The following RUNX1 variants were observed in gnomAD, a reference collection of about 807,000 sequenced individuals.
RUNX1 encodes the protein RUNX family transcription factor 1.
A neutral mutation model predicts 42.8 loss-of-function variants in RUNX1; 19 were observed. The ratio of observed to expected loss-of-function variants is 0.44; its 90% confidence interval spans 0.31 to 0.65. The LOEUF (loss-of-function observed/expected upper bound fraction) is 0.65, where lower values mean the gene tolerates loss of function less well. RUNX1 is among the 30% of genes least tolerant of loss of function. The pLI is 0.07. For missense variants in RUNX1, 528 were observed against 672.0 expected (o/e 0.79, Z 2.37); for synonymous variants, 271 against 289.4 (o/e 0.94, Z 0.64).
chr21:34,966,862 C>T (rs956583189), intron 2 of RUNX1, among the ~76,000 whole-genome samples: 1 of 152,054 alleles, frequency 6.6e-6, no homozygotes, highest in African/African-American at 2.4e-5. Context: ...AACGAGAGAA[C>T]TGCAGTGGCT....
At chr21:34,993,049 C>G (rs919440127) in intron 2 of RUNX1, among the ~76,000 whole-genome samples, 10 of 152,246 alleles carry the variant, frequency 6.6e-5, no homozygotes, top group African/African-American at 2.4e-4. Context: ...CCAGGAAGGG[C>G]ATCTGGGGCC....
intron 3 of RUNX1, chr21:34,888,236 C>T: frequency 2.8e-6 from 3 of 1,067,056 alleles, no homozygotes; most frequent in Non-Finnish European, 3.4e-6. Flanking sequence ...CCCACGAGCG[C>T]CGCGTAACCG....
chr21:34,887,514 A>G (rs901363179), intron 3 of RUNX1: 4 of 1,163,742 alleles, frequency 3.4e-6, no homozygotes, highest in Non-Finnish European at 4.3e-6. Flanking sequence ...CAGCAAACAC[A>G]TTATTTGGAA....
chr21:34,879,868 A>C (rs1217208034), intron 5 of RUNX1, among the ~76,000 whole-genome samples: 1 of 152,230 alleles, frequency 6.6e-6, no homozygotes, highest in Non-Finnish European at 1.5e-5. Context: ...AGGCAAGGAA[A>C]AATAAAATCA....
intron 2 of RUNX1, among the ~76,000 whole-genome samples, chr21:34,991,544 CGATGATGATGATGATGAT>C (rs10578831): frequency 6.6e-6 from 1 of 150,990 alleles, no homozygotes; most frequent in Non-Finnish European, 1.5e-5. Context: ...GCAGGGATTA[CGATGATGATGATGATGAT>C]GATGATGATG....
intron 4 of RUNX1, among the ~76,000 whole-genome samples, chr21:34,883,346 G>A (rs889621542): frequency 5.3e-5 from 8 of 152,186 alleles, no homozygotes; most frequent in Admixed American, 5.2e-4. Flanking sequence ...GTGGAGGCGG[G>A]TGGGTAAAGG....
At chr21:34,966,118 A>AC (rs2058716590) in intron 2 of RUNX1, among the ~76,000 whole-genome samples, 1 of 152,144 alleles carries the variant, frequency 6.6e-6, no homozygotes, top group Non-Finnish European at 1.5e-5. Context: ...ACACTTCTAT[A>AC]CATTAGATAG....
chr21:34,969,719 C>G (rs545893904), intron 2 of RUNX1, among the ~76,000 whole-genome samples: 1 of 150,728 alleles, frequency 6.6e-6, no homozygotes, highest in African/African-American at 2.5e-5. Flanking sequence ...TAAATGACTG[C>G]ACTCGTGGGT....
At chr21:35,010,338 CCTT>C (rs2059116735) in intron 2 of RUNX1, among the ~76,000 whole-genome samples, 1 of 152,062 alleles carries the variant, frequency 6.6e-6, no homozygotes, top group African/African-American at 2.4e-5. Flanking sequence ...CAATTACACT[CCTT>C]TTTTTAAAAA....
chr21:35,039,082 A>G (rs2059338897), intron 2 of RUNX1, among the ~76,000 whole-genome samples: 1 of 152,208 alleles, frequency 6.6e-6, no homozygotes, highest in Non-Finnish European at 1.5e-5. Flanking sequence ...GACGTTCTTA[A>G]GGACTCAGGG....
intron 2 of RUNX1, among the ~76,000 whole-genome samples, chr21:34,939,076 C>T (rs1229764283): frequency 6.6e-6 from 1 of 152,178 alleles, no homozygotes; most frequent in African/African-American, 2.4e-5. Context: ...AGTTCATGAA[C>T]ATACTCTGCC....
At chr21:34,846,283 G>A (rs759366669) in intron 6 of RUNX1, among the ~76,000 whole-genome samples, 8 of 147,374 alleles carry the variant, frequency 5.4e-5, no homozygotes, top group African/African-American at 7.5e-5. Flanking sequence ...TGTCACTCTG[G>A]CGTGGACCTT....
In RUNX1 at chr21:34,845,085, A is replaced by G. The variant is rs552083137; in HGVS notation, c.614-10484T>C. Among the ~76,000 whole-genome samples the G allele has an allele frequency of 9.8e-5, 15 of 152,348 alleles. No individual in the cohort carries two copies. In the South Asian group the frequency reaches 2.9e-3, roughly 29 times the overall value. On this transcript the variant is annotated intron_variant, in intron 6 of 8. Transcript: ENST00000675419. ...TGCCAGAAGCAGCCACCTGCTGAGA[A>G]GGGCATCTGTGAGGAGGGAGACCTC...
At chr21:34,893,785 A>T (rs1017124102) in intron 2 of RUNX1, among the ~76,000 whole-genome samples, 210 of 149,914 alleles carry the variant, frequency 1.4e-3, no homozygotes, top group Non-Finnish European at 2.5e-3. Flanking sequence ...TTTTTTTTTA[A>T]AAAAAAACCT....
Position 34,943,488 on chromosome 21 carries a change from C to T in RUNX1, c.59-50525G>A, listed in dbSNP as rs1330580887. On this transcript the variant is annotated intron_variant, in intron 2 of 8. Transcript: ENST00000675419. ...AATTGCCAGTTTTCCAGTTGTTACA[C>T]CAAAGAAAGATAAGGGGATCAACGG... Among the ~76,000 whole-genome samples the T allele has an allele frequency of 2.0e-5, 3 of 152,132 alleles. No individual in the cohort carries two copies. The East Asian group carries it at 5.8e-4, about 29-fold the overall frequency.
chr21:34,914,790 T>C (rs1056000856), intron 2 of RUNX1, among the ~76,000 whole-genome samples: 1 of 152,326 alleles, frequency 6.6e-6, no homozygotes, highest in African/African-American at 2.4e-5. Context: ...ATTCTGCAAC[T>C]TGGCCTTGAG....
In RUNX1 at chr21:34,791,055, C is replaced by G. The variant is rs2056427637; in HGVS notation, c.*1080G>C. 4.3e-6 allele frequency: 1 copy of G among 233,514 alleles called. No homozygotes were observed. The highest frequency in any genetic ancestry group is 2.2e-5 in the African/African-American group (1 of 45,324). 14.5% of individuals were successfully genotyped at this position (233,514 alleles called of 1,614,324 possible). On this transcript the variant is annotated 3_prime_UTR_variant, in exon 9 of 9. Coordinates refer to ENST00000675419, the MANE Select transcript of RUNX1 (RefSeq NM_001754.5). ...AGTTAGATATGAGACCCTTGTTGAGCCTGGCAGAAAATTCCATACTTCTGA... is the reference window on the plus strand; with the variant it reads ...AGTTAGATATGAGACCCTTGTTGAGGCTGGCAGAAAATTCCATACTTCTGA...
Position 34,792,812 on chromosome 21 carries a change from A to AG in RUNX1, c.968-203dup, listed in dbSNP as rs1258660666. On this transcript the variant is annotated intron_variant, in intron 8 of 8. Transcript: ENST00000675419. This position sits in a 1 kb window ranked among gnomAD's most constrained non-coding sequence, Gnocchi z 6.9. ...GAGGATTACCCAGGATGCTATACCCAGGGGGACAGGGACCACCCAGGATGC... is the reference window on the plus strand; with the variant it reads ...GAGGATTACCCAGGATGCTATACCCAGGGGGGACAGGGACCACCCAGGATGC... 6.6e-6 allele frequency among the ~76,000 whole-genome samples: 1 copy of AG among 150,484 alleles called. No individual in the cohort carries two copies. Among genetic ancestry groups the AG allele is most frequent in the East Asian group, 2.0e-4 (1 of 5,100 alleles).
intron 6 of RUNX1, among the ~76,000 whole-genome samples, chr21:34,854,843 G>C (rs147470738): frequency 7.9e-5 from 12 of 152,012 alleles, no homozygotes; most frequent in African/African-American, 2.9e-4. Flanking sequence ...CTGTGAGGAG[G>C]GGGGCAGCTG....
Sources: allele counts gnomAD v4.1 joint callset (sites outside exome capture counted in the v4.1 genomes callset), GRCh38; gene constraint gnomAD v4.1.1; non-coding constraint Gnocchi (gnomAD v3.1); transcripts MANE v1.5; gene names NCBI Gene and HGNC (gene_info 2026-07-23, HGNC 2026-07-21).